EPHA6: variants seen among roughly 807,000 people sequenced by gnomAD.
EPHA6 encodes ephrin type-A receptor 6.
A neutral mutation model predicts 112.0 loss-of-function variants in EPHA6; 50 were observed. The observed-to-expected ratio is 0.45, with a 90% CI of 0.36 to 0.56. The LOEUF is 0.56. EPHA6 is among the 20% of genes least tolerant of loss of function. EPHA6 has a pLI of 0.00. For synonymous variants in EPHA6, 529 were observed against 490.7 expected (o/e 1.08, Z -1.03); for missense variants, 1,280 against 1,417.4 (o/e 0.90, Z 1.56).
chr3:97,311,390 A>G (rs918782488), intron 5 of EPHA6, among the ~76,000 whole-genome samples: 1 of 150,776 alleles, frequency 6.6e-6, no homozygotes, highest in African/African-American at 2.4e-5. Context: ...TAAAGACTTG[A>G]CCATACACAG....
chr3:96,978,741 A>G (rs1432323913), intron 2 of EPHA6, among the ~76,000 whole-genome samples: 1 of 152,142 alleles, frequency 6.6e-6, no homozygotes, highest in Non-Finnish European at 1.5e-5. Context: ...TATGCACTGT[A>G]TTTGAGAAGA....
chr3:96,947,073 G>T (rs564127656), intron 2 of EPHA6, among the ~76,000 whole-genome samples: 1 of 151,954 alleles, frequency 6.6e-6, no homozygotes, highest in Non-Finnish European at 1.5e-5. Flanking sequence ...GTAGATTCTG[G>T]ATATTAGGCC....
chr3:97,284,902 G>C (rs1559851723), intron 5 of EPHA6, among the ~76,000 whole-genome samples: 1 of 152,054 alleles, frequency 6.6e-6, no homozygotes, highest in African/African-American at 2.4e-5. Context: ...TAGTTCTAGA[G>C]GGATAGGTAT....
intron 3 of EPHA6, among the ~76,000 whole-genome samples, chr3:97,225,936 A>T (rs1576720787): frequency 1.3e-5 from 2 of 152,278 alleles, no homozygotes; most frequent in East Asian, 3.9e-4. Flanking sequence ...CATTTTCCTT[A>T]CTGCCAGTCA....
chr3:97,209,230 G>A (rs563764495), intron 3 of EPHA6, among the ~76,000 whole-genome samples: 3 of 152,198 alleles, frequency 2.0e-5, no homozygotes, highest in East Asian at 3.9e-4. Context: ...GGATGCATAT[G>A]ATAATTGCAA....
intron 9 of EPHA6, among the ~76,000 whole-genome samples, chr3:97,480,237 T>A (rs932243848): frequency 6.6e-6 from 1 of 151,944 alleles, no homozygotes; most frequent in Non-Finnish European, 1.5e-5. Context: ...ATTTATTTAT[T>A]TTTTTTAGTA....
chr3:97,648,562 A>G (rs2107601704), intron 14 of EPHA6: 1 of 1,223,078 alleles, frequency 8.2e-7, no homozygotes, highest in Non-Finnish European at 1.0e-6. Flanking sequence ...AAGAATAAAT[A>G]TTTTAACACA....
intron 3 of EPHA6, among the ~76,000 whole-genome samples, chr3:97,082,322 C>T (rs564558221): frequency 6.6e-6 from 1 of 151,944 alleles, no homozygotes; most frequent in Non-Finnish European, 1.5e-5. Context: ...GGGATTCACA[C>T]ATGAAGAAAG....
At chr3:96,921,621 T>G (rs965956420) in intron 2 of EPHA6, among the ~76,000 whole-genome samples, 2 of 151,134 alleles carry the variant, frequency 1.3e-5, no homozygotes, top group Non-Finnish European at 2.9e-5. Flanking sequence ...CAGGCTGGAG[T>G]GCAGTTGTGT....
At chr3:96,844,646 G>A (rs1018667891) in intron 1 of EPHA6, among the ~76,000 whole-genome samples, 17 of 152,028 alleles carry the variant, frequency 1.1e-4, no homozygotes, top group Admixed American at 2.6e-4. Context: ...AAATATAATC[G>A]TGCCAGAACA....
At chr3:97,568,615 T>C (rs1660365861) in intron 11 of EPHA6, among the ~76,000 whole-genome samples, 1 of 152,226 alleles carries the variant, frequency 6.6e-6, no homozygotes, top group African/African-American at 2.4e-5. Context: ...AGTGGTAAAC[T>C]ATTGCCCTTT....
chr3:97,519,375 G>A (rs749223960), intron 10 of EPHA6, among the ~76,000 whole-genome samples: 3 of 152,112 alleles, frequency 2.0e-5, no homozygotes, highest in Non-Finnish European at 4.4e-5. Flanking sequence ...ATACTATAAT[G>A]TTTGGCTTAA....
chr3:97,600,806 A>T (rs955712745), intron 12 of EPHA6, among the ~76,000 whole-genome samples: 79 of 139,744 alleles, frequency 5.7e-4, no homozygotes, highest in African/African-American at 2.1e-3. Context: ...GCAGTGCATT[A>T]AAAAAAAAAA....
chr3:97,232,191 G>A (rs1180033821), intron 4 of EPHA6, among the ~76,000 whole-genome samples: 1 of 152,094 alleles, frequency 6.6e-6, no homozygotes, highest in African/African-American at 2.4e-5. Flanking sequence ...CTTGACTCCA[G>A]TTGTACCATC....
At chr3:97,674,037 T>A (rs2031118833) in intron 14 of EPHA6, among the ~76,000 whole-genome samples, 1 of 152,184 alleles carries the variant, frequency 6.6e-6, no homozygotes, top group Admixed American at 6.5e-5. Flanking sequence ...TAAAATGATG[T>A]ATGTGCAGAA....
intron 3 of EPHA6, among the ~76,000 whole-genome samples, chr3:97,145,027 G>A (rs2076004395): frequency 1.3e-5 from 2 of 151,236 alleles, no homozygotes; most frequent in Non-Finnish European, 3.0e-5. Context: ...AGCTTCTTGA[G>A]CTCTTCAGAA....
chr3:97,111,441 TAG>T (rs1169933594), intron 3 of EPHA6, among the ~76,000 whole-genome samples: 1 of 152,080 alleles, frequency 6.6e-6, no homozygotes, highest in African/African-American at 2.4e-5. Context: ...TCCTGCCAAG[TAG>T]AGAGTGACAG....
intron 10 of EPHA6, among the ~76,000 whole-genome samples, chr3:97,491,458 C>CG (rs997034228): frequency 1.2e-4 from 18 of 152,104 alleles, no homozygotes; most frequent in Non-Finnish European, 2.5e-4. Flanking sequence ...CAGGTACAGT[C>CG]GGGGGGTCAG....
intron 7 of EPHA6, chr3:97,466,373 TTACATCCAGTCTAATTA>T: frequency 6.2e-7 from 1 of 1,608,682 alleles, no homozygotes; most frequent in Non-Finnish European, 8.5e-7. Context: ...ATATCAGCAT[TTACATCCAGTCTAATTA>T]TTTTCTCTTG....
Sources: gnomAD v4.1 joint callset for allele counts (sites outside exome capture counted in the v4.1 genomes callset) on GRCh38, gnomAD v4.1.1 for gene constraint, MANE v1.5 for transcripts, NCBI Gene and HGNC (gene_info 2026-07-23, HGNC 2026-07-21) for gene names.